The following MAGI2 variants were observed in gnomAD, a reference collection of about 807,000 sequenced individuals.
The protein encoded by MAGI2 is membrane associated guanylate kinase, WW and PDZ domain containing 2.
Under a neutral mutation model 133.3 loss-of-function variants are expected in MAGI2, and 35 were observed. The ratio of observed to expected loss-of-function variants is 0.26; its 90% CI spans 0.20 to 0.35. MAGI2 has a LOEUF of 0.35. Among genes scored for constraint, MAGI2 ranks in the 10% least tolerant of loss-of-function variants. The pLI is 1.00. For synonymous variants in MAGI2, 729 were observed against 710.6 expected, an observed-to-expected ratio of 1.03 and a Z score of -0.41; for missense variants, 1,636 against 1,863.4, an observed-to-expected ratio of 0.88 and a Z score of 2.25.
At chr7:78,442,179 T>C (rs1787697975) in intron 6 of MAGI2, among the ~76,000 whole-genome samples, 1 of 152,202 alleles carries the variant, frequency 6.6e-6, no homozygotes, top group African/African-American at 2.4e-5. Flanking sequence ...CTTCCCCATC[T>C]GAACATATTC....
intron 1 of MAGI2, among the ~76,000 whole-genome samples, chr7:79,016,764 G>A (rs568862803): frequency 2.0e-4 from 31 of 152,230 alleles, no homozygotes; most frequent in African/African-American, 6.7e-4. Context: ...ACTGGAGACT[G>A]TCAGCCCCAC....
At chr7:78,621,306 A>AT (rs1445616332) in intron 3 of MAGI2, 5 of 151,984 alleles carry the variant, frequency 3.3e-5, no homozygotes, top group Admixed American at 2.6e-4. Flanking sequence ...CAGTCCTAAC[A>AT]TGAAGGTTCA....
intron 2 of MAGI2, among the ~76,000 whole-genome samples, chr7:78,668,966 A>C (rs143294959): frequency 0.077 from 11,718 of 151,592 alleles, 720 homozygotes; most frequent in African/African-American, 0.17. Flanking sequence ...CAAGAGAAAG[A>C]AGGAAAGATC....
At chr7:78,426,546 T>G (rs1172550827) in intron 6 of MAGI2, among the ~76,000 whole-genome samples, 1 of 152,086 alleles carries the variant, frequency 6.6e-6, no homozygotes, top group Non-Finnish European at 1.5e-5. Context: ...GCATGGCACA[T>G]GTATACATAT....
chr7:78,570,943 TTAAG>T (rs1197442422), intron 3 of MAGI2, among the ~76,000 whole-genome samples: 1 of 152,180 alleles, frequency 6.6e-6, no homozygotes, highest in East Asian at 1.9e-4. Context: ...TCTCTTCTTT[TTAAG>T]TGAGTATTCT....
rs575084219 is a variant in MAGI2, at chr7:78,631,045, T to G, written c.419-3806A>C. The stretch of plus-strand genomic sequence containing the variant: ...TCCTCATGGTGGCTGAGCACATCTG[T>G]TGGAAGCTTCCTGTCGAAGGTTGCA... On this transcript the variant is annotated intron_variant, in intron 2 of 21. Transcript: ENST00000354212. Among the ~76,000 whole-genome samples the G allele has an allele frequency of 1.1e-3, 164 of 152,268 alleles. 1 individual carries two copies. In the South Asian group the frequency reaches 0.013, roughly 12 times the overall value.
At chr7:79,270,448 G>C (rs1469487181) in intron 1 of MAGI2, among the ~76,000 whole-genome samples, 1 of 152,104 alleles carries the variant, frequency 6.6e-6, no homozygotes, top group African/African-American at 2.4e-5. Context: ...TGGTACTATT[G>C]GCTAAGATTG....
chr7:78,167,972 T>C lies in MAGI2; in HGVS notation c.2540A>G (p.His847Arg). 6.2e-7 allele frequency: 1 copy of C among 1,614,128 alleles called. No homozygotes were observed. Among genetic ancestry groups the C allele is most frequent in the Non-Finnish European group, 8.5e-7 (1 of 1,180,020 alleles). Residue 847 changes from histidine to arginine, a missense_variant, in exon 15 of 22, where the codon CAC (histidine) becomes CGC (arginine). Transcript: ENST00000354212. ...GTTGACCTGCCCATTGCGGGCTGCGTGGTGCATGAGGTCGATGACATAGCG... is the reference window on the plus strand; with the variant it reads ...GTTGACCTGCCCATTGCGGGCTGCGCGGTGCATGAGGTCGATGACATAGCG... ...THRYVIDLMHHAARNGQVNLT... is the reference protein window; with the variant it reads ...THRYVIDLMHRAARNGQVNLT...
chr7:79,086,067 T>C (rs2129542195), intron 1 of MAGI2, among the ~76,000 whole-genome samples: 2 of 152,042 alleles, frequency 1.3e-5, no homozygotes, highest in African/African-American at 4.8e-5. Flanking sequence ...CCTACAAATA[T>C]CACATTCCAA....
chr7:79,194,525 A>G (rs1045923882), intron 1 of MAGI2, among the ~76,000 whole-genome samples: 1 of 151,950 alleles, frequency 6.6e-6, no homozygotes, highest in African/African-American at 2.4e-5. Context: ...TGTAGGTTGT[A>G]TTAATTAATT....
chr7:79,250,211 C>T (rs1159902475), intron 1 of MAGI2, among the ~76,000 whole-genome samples: 3 of 152,026 alleles, frequency 2.0e-5, no homozygotes, highest in Non-Finnish European at 4.4e-5. Flanking sequence ...ACCTGAAAGC[C>T]TTTTCTCTTC....
chr7:78,689,961 T>A (rs2151118954), intron 2 of MAGI2, among the ~76,000 whole-genome samples: 1 of 152,234 alleles, frequency 6.6e-6, no homozygotes, highest in African/African-American at 2.4e-5. Flanking sequence ...ATCTTTTTAA[T>A]AATTGAAAAG....
At chr7:79,257,442 A>T (rs1833771404) in intron 1 of MAGI2, among the ~76,000 whole-genome samples, 1 of 152,174 alleles carries the variant, frequency 6.6e-6, no homozygotes, top group Non-Finnish European at 1.5e-5. Context: ...TTTACTTAGG[A>T]TTTAGAGAAA....
At chr7:79,350,892 C>T (rs1841641238) in intron 1 of MAGI2, among the ~76,000 whole-genome samples, 1 of 152,042 alleles carries the variant, frequency 6.6e-6, no homozygotes, top group African/African-American at 2.4e-5. Flanking sequence ...AAATCTATGT[C>T]CCTTTGTTTA....
intron 2 of MAGI2, among the ~76,000 whole-genome samples, chr7:78,827,502 C>G (rs1790769486): frequency 6.6e-6 from 1 of 152,086 alleles, no homozygotes; most frequent in African/African-American, 2.4e-5. Flanking sequence ...GTATTGAACT[C>G]CTGGACTTAA....
At chr7:79,237,486 T>A (rs1832032056) in intron 1 of MAGI2, among the ~76,000 whole-genome samples, 1 of 152,162 alleles carries the variant, frequency 6.6e-6, no homozygotes, top group Non-Finnish European at 1.5e-5. Context: ...AGTTAGACCA[T>A]GCATGCATAC....
chr7:79,437,947 T>C (rs1289165622), intron 1 of MAGI2, among the ~76,000 whole-genome samples: 1 of 152,160 alleles, frequency 6.6e-6, no homozygotes, highest in Non-Finnish European at 1.5e-5. Flanking sequence ...ATTATAGATG[T>C]ATGTCCTCCT....
chr7:78,561,577 T>C (rs1395897796), intron 3 of MAGI2, among the ~76,000 whole-genome samples: 1 of 151,922 alleles, frequency 6.6e-6, no homozygotes, highest in Admixed American at 6.6e-5. Flanking sequence ...GAAAGAAGAC[T>C]TTAGACCAAG....
At chr7:78,519,950 T>C (rs1796357433) in intron 4 of MAGI2, among the ~76,000 whole-genome samples, 3 of 152,196 alleles carry the variant, frequency 2.0e-5, no homozygotes, top group Admixed American at 6.5e-5. Context: ...GTACTATCGA[T>C]GTAATTCTAA....
Sources: gnomAD v4.1 joint callset for allele counts (sites outside exome capture counted in the v4.1 genomes callset) on GRCh38, gnomAD v4.1.1 for gene constraint, MANE v1.5 for transcripts, NCBI Gene and HGNC (gene_info 2026-07-23, HGNC 2026-07-21) for gene names.